Variants in ZFAND1 observed in about 807,000 individuals in gnomAD.
The protein encoded by ZFAND1 is zinc finger AN1-type containing 1, also known as AN1-type zinc finger protein 1.
In ZFAND1, 40 loss-of-function variants were observed where a neutral mutation model predicts 38.5. The ratio of observed to expected loss-of-function variants is 1.04; its 90% CI spans 0.81 to 1.35. The LOEUF is 1.35. Ranked by LOEUF, ZFAND1 falls within the 40% of genes most tolerant of loss-of-function variation. ZFAND1 has a pLI of 0.00. For synonymous variants in ZFAND1, 117 were observed against 103.6 expected (o/e 1.13, Z -0.78); for missense variants, 346 against 316.3 (o/e 1.09, Z -0.71).
chr8:81,706,542 A>G (rs2130393898), intron 6 of ZFAND1, among the ~76,000 whole-genome samples: 1 of 152,116 alleles, frequency 6.6e-6, no homozygotes, highest in Non-Finnish European at 1.5e-5. Flanking sequence ...GGCTTTGAGA[A>G]AAACATTGAT....
intron 6 of ZFAND1, among the ~76,000 whole-genome samples, chr8:81,709,523 ATAC>A (rs1327209515): frequency 6.6e-6 from 1 of 152,158 alleles, no homozygotes; most frequent in Non-Finnish European, 1.5e-5. Context: ...TTGCACACAT[ATAC>A]AAGTAGAATA....
intron 3 of ZFAND1, among the ~76,000 whole-genome samples, chr8:81,716,375 T>C (rs946472144): frequency 5.3e-5 from 8 of 152,246 alleles, no homozygotes; most frequent in African/African-American, 1.7e-4. Context: ...ATTTGCTCTA[T>C]GCTGAACTTC....
At chr8:81,718,614 G>C (rs1339856704) in intron 1 of ZFAND1, among the ~76,000 whole-genome samples, 1 of 150,690 alleles carries the variant, frequency 6.6e-6, no homozygotes, top group Non-Finnish European at 1.5e-5. Context: ...AACAGTGCTA[G>C]GCAAGTTACT....
intron 6 of ZFAND1, chr8:81,708,897 GC>G (rs149732910): frequency 0.048 from 35,618 of 743,148 alleles, 1,033 homozygotes; most frequent in Middle Eastern, 0.089. Context: ...AAAAACTAGA[GC>G]CACAAAACTA....
chr8:81,714,275 C>A (rs936643373), intron 5 of ZFAND1: 1 of 402,210 alleles, frequency 2.5e-6, no homozygotes, highest in Non-Finnish European at 4.4e-6. Flanking sequence ...TTCTTTTCAA[C>A]TTAAGCCTAT....
intron 6 of ZFAND1, among the ~76,000 whole-genome samples, chr8:81,704,799 G>T (rs942412616): frequency 9.9e-5 from 15 of 152,080 alleles, no homozygotes; most frequent in African/African-American, 3.4e-4. Flanking sequence ...AGTGGGGTGT[G>T]TTATTACAGG....
intron 6 of ZFAND1, among the ~76,000 whole-genome samples, chr8:81,711,377 A>C (rs1289570273): frequency 6.6e-6 from 1 of 152,194 alleles, no homozygotes; most frequent in Non-Finnish European, 1.5e-5. Flanking sequence ...GCACGACTGC[A>C]CTCCAGCCTG....
chr8:81,721,026 C>T (rs1373428630), intron 1 of ZFAND1: 23 of 583,736 alleles, frequency 3.9e-5, no homozygotes, highest in East Asian at 2.0e-4. Context: ...AAGGAGACCA[C>T]ACGTCATTTC....
chr8:81,703,187 G>C, intron 6 of ZFAND1, 63 bp from the exon 7 acceptor site: 3 of 1,185,660 alleles, frequency 2.5e-6, no homozygotes, highest in South Asian at 2.1e-5. Flanking sequence ...TTTTTGTCTG[G>C]TGCCAACCGT....
chr8:81,705,553 A>T (rs1174124524), intron 6 of ZFAND1, among the ~76,000 whole-genome samples: 3 of 152,246 alleles, frequency 2.0e-5, no homozygotes, highest in Non-Finnish European at 4.4e-5. Context: ...ATAATCCTCA[A>T]TAAAAAGGCC....
chr8:81,708,765 T>C (rs1808053214), intron 6 of ZFAND1: 3 of 1,215,386 alleles, frequency 2.5e-6, no homozygotes, highest in Admixed American at 3.7e-5. Flanking sequence ...TATACGGAAC[T>C]GGTTAGAAGG....
chr8:81,704,352 C>T (rs548172833), intron 6 of ZFAND1, among the ~76,000 whole-genome samples: 1 of 152,052 alleles, frequency 6.6e-6, no homozygotes, highest in East Asian at 1.9e-4. Context: ...GCCTGGGCAA[C>T]ATGGTAAAAC....
chr8:81,708,111 A>G (rs75606373), intron 6 of ZFAND1, among the ~76,000 whole-genome samples: 8,843 of 152,046 alleles, frequency 0.058, 361 homozygotes, highest in African/African-American at 0.11. Context: ...TAGCCGGGCC[A>G]TGGTGGCACA....
At chr8:81,707,122 C>T (rs932720244) in intron 6 of ZFAND1, among the ~76,000 whole-genome samples, 3 of 152,174 alleles carry the variant, frequency 2.0e-5, no homozygotes, top group Non-Finnish European at 2.9e-5. Context: ...CCTAGACTTG[C>T]TAGTAGATAC....
intron 6 of ZFAND1, among the ~76,000 whole-genome samples, chr8:81,707,612 G>T (rs916470476): frequency 2.0e-4 from 30 of 152,136 alleles, no homozygotes; most frequent in African/African-American, 5.3e-4. Flanking sequence ...ATTAACAAAT[G>T]CTAATAAAAA....
At position 81,701,734 on chromosome 8, in the gene ZFAND1, A is replaced by G. The variant is rs1807817807; in HGVS notation, c.*961T>C. On this transcript the variant is annotated 3_prime_UTR_variant, in exon 8 of 8. Transcript: ENST00000220669. The stretch of plus-strand genomic sequence containing the variant: ...GAAATAAACCAAATGAGCATTCCAA[A>G]TTTATTCCTTTTAAGTAAACCTATA... 1 of 152,252 alleles carries G rather than the reference A, an allele frequency of 6.6e-6. No homozygotes were observed. The highest frequency in any genetic ancestry group is 1.9e-4 in the East Asian group (1 of 5,202). The allele number at this position is 152,252 out of a possible 1,614,324, so 9.4% of individuals were successfully genotyped here.
chr8:81,713,403 G>A (rs571998341), intron 6 of ZFAND1, among the ~76,000 whole-genome samples: 1 of 152,266 alleles, frequency 6.6e-6, no homozygotes, highest in South Asian at 2.1e-4. Context: ...GATTACAGGT[G>A]TGAGCCACCA....
intron 6 of ZFAND1, among the ~76,000 whole-genome samples, chr8:81,703,776 A>C (rs538781945): frequency 9.3e-4 from 142 of 152,152 alleles, no homozygotes; most frequent in African/African-American, 3.2e-3. Context: ...CCTACAGCAA[A>C]CCCCGTCACC....
intron 6 of ZFAND1, among the ~76,000 whole-genome samples, chr8:81,703,545 T>A (rs1807876321): frequency 6.6e-6 from 1 of 152,160 alleles, no homozygotes; most frequent in African/African-American, 2.4e-5. Context: ...TGCCTCAGCC[T>A]CTGAGTAGCT....
Sources: allele counts gnomAD v4.1 joint callset (sites outside exome capture counted in the v4.1 genomes callset), GRCh38; gene constraint gnomAD v4.1.1; transcripts MANE v1.5; gene names NCBI Gene and HGNC (gene_info 2026-07-23, HGNC 2026-07-21).